The following CPS1 variants were observed in gnomAD, a reference collection of about 807,000 sequenced individuals.
The protein encoded by CPS1 is carbamoyl-phosphate synthase [ammonia], mitochondrial.
CPS1 carries 109 observed loss-of-function variants against 174.6 expected under a neutral mutation model. The observed-to-expected ratio is 0.62, with a 90% confidence interval of 0.53 to 0.73. The LOEUF (loss-of-function observed/expected upper bound fraction) is 0.73. Among genes scored for constraint, CPS1 ranks in the 30% least tolerant of loss-of-function variants. CPS1 has a pLI of 0.00. For synonymous variants in CPS1, 637 were observed against 632.0 expected, an observed-to-expected ratio of 1.01 and a Z score of -0.12; for missense variants, 1,689 against 1,821.9, an observed-to-expected ratio of 0.93 and a Z score of 1.33.
intron 22 of CPS1, 24 bp downstream of exon 22, chr2:210,637,867 C>T: frequency 6.2e-7 from 1 of 1,613,308 alleles, no homozygotes; most frequent in Non-Finnish European, 8.5e-7. Flanking sequence ...CCTTTTCCCC[C>T]ATCCCCCACT....
At chr2:210,540,652 C>T (rs1279416144) in intron 1 of CPS1, among the ~76,000 whole-genome samples, 1 of 152,092 alleles carries the variant, frequency 6.6e-6, no homozygotes. Context: ...TAGGTGTATT[C>T]CCATTTTGTA....
At chr2:210,520,802 G>A (rs1695801642) in intron 1 of CPS1, among the ~76,000 whole-genome samples, 1 of 151,932 alleles carries the variant, frequency 6.6e-6, no homozygotes, top group South Asian at 2.1e-4. Context: ...TCATTGCTGA[G>A]TATTCCATGG....
rs1325448003 is a variant in CPS1, at chr2:210,578,967, C to G, written c.472-747C>G. Among the ~76,000 whole-genome samples the G allele has an allele frequency of 3.3e-5, 5 of 152,202 alleles. No individual in the cohort carries two copies. In the South Asian group the frequency reaches 1.0e-3, roughly 32 times the overall value. The stretch of plus-strand genomic sequence containing the variant: ...TTTTAAATGTGCTTTGAACCTTCTT[C>G]CATGATCACAGACATGTAGAGTAGA... On this transcript the variant is annotated intron_variant, in intron 4 of 37. Transcript: ENST00000233072.
chr2:210,599,531 G>T lies in CPS1; in HGVS notation c.1519G>T (p.Gly507Cys). ...KAEQPDGLILGMGGQTALNCG... is the reference protein window; with the variant it reads ...KAEQPDGLILCMGGQTALNCG... The stretch of plus-strand genomic sequence containing the variant: ...AGAACAGCCAGATGGGTTAATTCTG[G>T]GCATGGGTGGCCAGACAGCTCTGAA... Residue 507 changes from glycine (G) to cysteine (C), a missense_variant, in exon 14 of 38, where the codon GGC becomes TGC. Transcript: ENST00000233072. 2 of 1,612,352 alleles carry T rather than the reference G, an allele frequency of 1.2e-6. No individual in the cohort carries two copies. Among genetic ancestry groups the T allele is most frequent in the Non-Finnish European group, 1.7e-6 (2 of 1,178,950 alleles).
chr2:210,555,903 CTT>C (rs1365800786), upstream of CPS1, among the ~76,000 whole-genome samples: 1 of 151,906 alleles, frequency 6.6e-6, no homozygotes, highest in Non-Finnish European at 1.5e-5. Context: ...AAAAACTTGA[CTT>C]AGGAATAGTG....
intron 33 of CPS1, among the ~76,000 whole-genome samples, chr2:210,664,369 C>G (rs979093920): frequency 6.6e-6 from 1 of 151,398 alleles, no homozygotes; most frequent in Non-Finnish European, 1.5e-5. Context: ...GAGTTTTGCT[C>G]GCTCTTGTTG....
intron 25 of CPS1, among the ~76,000 whole-genome samples, chr2:210,643,044 CTT>C (rs1491391008): frequency 4.6e-5 from 7 of 152,180 alleles, no homozygotes; most frequent in Admixed American, 3.9e-4. Context: ...TAAACAGCCT[CTT>C]TCTAGTTTGT....
At chr2:210,581,242 C>T (rs1574549755) in intron 5 of CPS1, among the ~76,000 whole-genome samples, 1 of 152,086 alleles carries the variant, frequency 6.6e-6, no homozygotes, top group Admixed American at 6.6e-5. Context: ...GCAGAATTGG[C>T]AGGTTGAATA....
intron 5 of CPS1, 90 bp downstream of exon 5, chr2:210,579,860 C>A: frequency 3.9e-6 from 4 of 1,036,246 alleles, no homozygotes; most frequent in Non-Finnish European, 6.0e-6. Context: ...CCTAAGGGAT[C>A]CATTAATATG....
At chr2:210,491,514 T>C (rs111841370) in intron 1 of CPS1, among the ~76,000 whole-genome samples, 8,073 of 151,918 alleles carry the variant, frequency 0.053, 659 homozygotes, top group African/African-American at 0.18. Flanking sequence ...GGGGTTTCAC[T>C]ATGTTAGCCA....
intron 1 of CPS1, among the ~76,000 whole-genome samples, chr2:210,511,770 G>T (rs9941507): frequency 0.84 from 127,059 of 151,978 alleles, 54,045 homozygotes; most frequent in Non-Finnish European, 0.92. Flanking sequence ...TACAATTCCT[G>T]AATGAGGGAG....
chr2:210,647,688 A>T (rs958398033), intron 25 of CPS1, among the ~76,000 whole-genome samples, 175 bp from the exon 26 acceptor site: 1 of 152,242 alleles, frequency 6.6e-6, no homozygotes, highest in South Asian at 2.1e-4. Context: ...TTAGCATCTA[A>T]GTGCCAGAAA....
intron 21 of CPS1, among the ~76,000 whole-genome samples, chr2:210,633,407 C>T (rs563531842): frequency 6.4e-4 from 97 of 151,930 alleles, no homozygotes; most frequent in South Asian, 6.2e-4. Context: ...TATTTCTTTG[C>T]TGATAAGTGT....
intron 23 of CPS1, 139 bp from the exon 24 acceptor site, chr2:210,639,857 G>C: frequency 1.5e-6 from 1 of 675,748 alleles, no homozygotes; most frequent in South Asian, 1.7e-5. Flanking sequence ...TATACTTATG[G>C]GTTTCCAGAG....
intron 35 of CPS1, 123 bp downstream of exon 35, chr2:210,675,084 A>G (rs1701478460): frequency 1.0e-5 from 8 of 780,254 alleles, no homozygotes; most frequent in Non-Finnish European, 2.2e-6. Context: ...AGGTTTAACT[A>G]ACTTGGTAGT....
intron 25 of CPS1, among the ~76,000 whole-genome samples, chr2:210,645,150 T>C (rs148667303): frequency 5.0e-4 from 76 of 152,196 alleles, no homozygotes; most frequent in African/African-American, 1.7e-3. Flanking sequence ...ATATTAACAT[T>C]TTACAAACAT....
intron 29 of CPS1, among the ~76,000 whole-genome samples, 170 bp downstream of exon 29, chr2:210,654,272 C>G (rs1233236886): frequency 6.6e-6 from 1 of 152,140 alleles, no homozygotes; most frequent in African/African-American, 2.4e-5. Context: ...GTTGATGTGT[C>G]ATGGGTATCA....
chr2:210,648,138 TG>T, intron 26 of CPS1, 81 bp downstream of exon 26: 1 of 1,401,028 alleles, frequency 7.1e-7, no homozygotes, highest in Non-Finnish European at 1.0e-6. Context: ...TGTTGACTAT[TG>T]GATATGTTAA....
At chr2:210,532,815 G>C (rs1460075824) in intron 1 of CPS1, among the ~76,000 whole-genome samples, 1 of 152,140 alleles carries the variant, frequency 6.6e-6, no homozygotes, top group Non-Finnish European at 1.5e-5. Flanking sequence ...ACTGGGCAGA[G>C]GGCCAACCCA....
Sources: allele counts gnomAD v4.1 joint callset (sites outside exome capture counted in the v4.1 genomes callset), GRCh38; gene constraint gnomAD v4.1.1; transcripts MANE v1.5; gene names NCBI Gene and HGNC (gene_info 2026-07-23, HGNC 2026-07-21).